COBL: variants seen among roughly 807,000 people sequenced by gnomAD.
COBL encodes the protein cordon-bleu WH2 repeat protein.
COBL carries 51 observed loss-of-function variants against 98.8 expected under a neutral mutation model. The observed-to-expected ratio is 0.52, with a 90% CI of 0.41 to 0.65. The LOEUF (loss-of-function observed/expected upper bound fraction) is 0.65. Among genes scored for constraint, COBL ranks in the 30% least tolerant of loss-of-function variants. The probability of loss-of-function intolerance (pLI) is 0.00; values close to 1 mark genes in which losing one functional copy is unlikely to be tolerated. For missense variants in COBL, 1,617 were observed against 1,617.5 expected (o/e 1.00, Z 0.01); for synonymous variants, 634 against 651.7 (o/e 0.97, Z 0.41).
intron 1 of COBL, among the ~76,000 whole-genome samples, chr7:51,275,223 C>T (rs925830700): frequency 6.6e-6 from 1 of 152,144 alleles, no homozygotes; most frequent in Non-Finnish European, 1.5e-5. Context: ...GTGGAGGGGA[C>T]AGTTGCACAG....
Position 51,029,102 on chromosome 7 carries a change from C to G in COBL, c.1994G>C (p.Arg665Thr), listed in dbSNP as rs763893215. Reference sequence around the variant, plus strand: ...TTCATTCACCGGTTGGGAATTCACTCTCTCTGTGGCTTGAGTCCTCTCCCC... The same window carrying G: ...TTCATTCACCGGTTGGGAATTCACTGTCTCTGTGGCTTGAGTCCTCTCCCC... ...ADGERTQATERVNSQPVNEKD... is the reference protein window; with the variant it reads ...ADGERTQATETVNSQPVNEKD... The change falls in exon 10 of 13, where the codon AGA (arginine) becomes ACA (threonine). Residue 665 changes from arginine to threonine, a missense_variant. By Grantham distance (71) the Arg-to-Thr change is moderately conservative. Transcript: ENST00000265136. The G allele has an allele frequency of 6.2e-7, 1 of 1,614,190 alleles. No individual in the cohort carries two copies. Among genetic ancestry groups the G allele is most frequent in the Non-Finnish European group, 8.5e-7 (1 of 1,180,038 alleles).
At chr7:51,134,159 C>T (rs942232731) in intron 6 of COBL, among the ~76,000 whole-genome samples, 2 of 152,126 alleles carry the variant, frequency 1.3e-5, no homozygotes, top group African/African-American at 4.8e-5. Context: ...ACAACGACGA[C>T]AATACATTTT....
chr7:51,039,724 A>G (rs1788984989), intron 8 of COBL, among the ~76,000 whole-genome samples: 1 of 152,262 alleles, frequency 6.6e-6, no homozygotes, highest in Admixed American at 6.5e-5. Flanking sequence ...AAGTGCAACA[A>G]TCGATGCAGC....
intron 2 of COBL, among the ~76,000 whole-genome samples, chr7:51,213,794 C>T (rs141201293): frequency 2.6e-5 from 4 of 152,174 alleles, no homozygotes; most frequent in South Asian, 2.1e-4. Context: ...GTGAGGAGGA[C>T]GGTGTCAGAC....
intron 1 of COBL, among the ~76,000 whole-genome samples, chr7:51,225,935 G>A (rs1314895721): frequency 1.3e-5 from 2 of 152,196 alleles, no homozygotes; most frequent in Admixed American, 6.5e-5. Flanking sequence ...CAGCCAGGCT[G>A]GTCAGGCTGA....
At chr7:51,290,991 C>T (rs898988380) in intron 1 of COBL, among the ~76,000 whole-genome samples, 8 of 152,218 alleles carry the variant, frequency 5.3e-5, no homozygotes, top group African/African-American at 1.9e-4. Context: ...TTTAGGTCTC[C>T]AGCACCTTGC....
chr7:51,136,277 C>T lies in COBL; in HGVS notation c.838G>A (p.Gly280Ser), dbSNP rs1312983078. 6.2e-7 allele frequency: 1 copy of T among 1,613,876 alleles called. No individual in the cohort carries two copies. Among genetic ancestry groups the T allele is most frequent in the African/African-American group, 1.3e-5 (1 of 74,900 alleles). The change falls in exon 6 of 13, where the codon GGT (glycine) becomes AGT (serine). Residue 280 changes from glycine to serine, a missense_variant. This residue lies in a region of COBL where 1,304 missense variants were observed against 1,282.0 expected (regional missense o/e 1.02). Coordinates refer to ENST00000265136, the MANE Select transcript of COBL (RefSeq NM_015198.5). ...ATGCTGCCCAGCGAGAGGGATGGACCCAGCGTAAGAGAACGTGAGTGCATG... is the reference window on the plus strand; with the variant it reads ...ATGCTGCCCAGCGAGAGGGATGGACTCAGCGTAAGAGAACGTGAGTGCATG... ...PSMHSRSLTL[G>S]PSLSLGSISG...
intron 3 of COBL, among the ~76,000 whole-genome samples, chr7:51,192,191 A>C (rs143499042): frequency 1.3e-5 from 2 of 152,392 alleles, no homozygotes; most frequent in Non-Finnish European, 2.9e-5. Flanking sequence ...AGAAATTAAT[A>C]GGAGATTAAT....
chr7:51,067,919 C>G (rs1212201509), intron 7 of COBL, among the ~76,000 whole-genome samples: 1 of 152,208 alleles, frequency 6.6e-6, no homozygotes, highest in Non-Finnish European at 1.5e-5. Flanking sequence ...AAATAAGCAG[C>G]CCCTTCGACT....
At chr7:51,230,710 C>G (rs1794662568) in intron 1 of COBL, among the ~76,000 whole-genome samples, 1 of 152,244 alleles carries the variant, frequency 6.6e-6, no homozygotes, top group Non-Finnish European at 1.5e-5. Flanking sequence ...TTAGTGGTCC[C>G]TCTGCCCACT....
intron 1 of COBL, among the ~76,000 whole-genome samples, chr7:51,300,666 A>C (rs1283666904): frequency 2.0e-5 from 3 of 152,162 alleles, no homozygotes; most frequent in Non-Finnish European, 4.4e-5. Flanking sequence ...ACTCGTGGGT[A>C]AAATGGGAGA....
chr7:51,248,694 T>C (rs1021409427), intron 1 of COBL, among the ~76,000 whole-genome samples: 1 of 152,230 alleles, frequency 6.6e-6, no homozygotes, highest in Non-Finnish European at 1.5e-5. Context: ...CCAGTCTTTG[T>C]AAATATCTAA....
chr7:51,302,654 T>G (rs1036425532), intron 1 of COBL, among the ~76,000 whole-genome samples: 1 of 151,466 alleles, frequency 6.6e-6, no homozygotes, highest in South Asian at 2.1e-4. Context: ...CCCAACACTT[T>G]GGGGAGCCAA....
chr7:51,119,983 T>C (rs1345197143), intron 6 of COBL, among the ~76,000 whole-genome samples: 2 of 152,142 alleles, frequency 1.3e-5, no homozygotes, highest in Admixed American at 6.6e-5. Flanking sequence ...AACCAGTAGA[T>C]CTCATTAAAT....
chr7:51,174,841 AC>A, intron 5 of COBL, among the ~76,000 whole-genome samples: 1 of 152,292 alleles, frequency 6.6e-6, no homozygotes, highest in African/African-American at 2.4e-5. Context: ...AGTGAGGCTC[AC>A]CTTTTGCCCA....
chr7:51,099,665 A>T (rs574870687), intron 6 of COBL, among the ~76,000 whole-genome samples: 1 of 152,254 alleles, frequency 6.6e-6, no homozygotes, highest in Admixed American at 6.5e-5. Context: ...AGTGATCTAG[A>T]GGTGCCTATA....
chr7:51,103,820 T>C (rs1206794721), intron 6 of COBL, among the ~76,000 whole-genome samples: 1 of 152,272 alleles, frequency 6.6e-6, no homozygotes, highest in Non-Finnish European at 1.5e-5. Context: ...AAATCTTACC[T>C]ATTCAGAACA....
rs1583712369 is a variant in COBL at position 51,080,560 on chromosome 7, C to T, written c.1096+4606G>A. Among the ~76,000 whole-genome samples, 3 of 152,158 alleles carry T rather than the reference C, an allele frequency of 2.0e-5. No homozygotes were observed. In the South Asian group the frequency reaches 6.2e-4, roughly 32 times the overall value. ...GGTTTCCCCATGGTGTCTGTGCATA[C>T]CCTACGAAGCAGTGAGAGAGCTTCT... On this transcript the variant is annotated intron_variant, in intron 7 of 12. Coordinates refer to ENST00000265136, the MANE Select transcript of COBL (RefSeq NM_015198.5).
intron 3 of COBL, among the ~76,000 whole-genome samples, chr7:51,191,709 T>C (rs1052575546): frequency 2.6e-5 from 4 of 152,108 alleles, no homozygotes; most frequent in African/African-American, 9.7e-5. Flanking sequence ...TATATAATAA[T>C]CAGGAAGAAA....
Sources: gnomAD v4.1 joint callset for allele counts (sites outside exome capture counted in the v4.1 genomes callset) on GRCh38, gnomAD v4.1.1 for gene constraint, gnomAD v4.1.1 regional missense constraint, MANE v1.5 for transcripts, NCBI Gene and HGNC (gene_info 2026-07-23, HGNC 2026-07-21) for gene names.